The following ATP8B4 variants were observed in gnomAD, a reference collection of about 807,000 sequenced individuals.
ATP8B4 encodes the protein probable phospholipid-transporting ATPase IM.
A neutral mutation model predicts 145.6 loss-of-function variants in ATP8B4; 133 were observed. That is an observed-to-expected ratio of 0.91 (90% CI 0.79 to 1.05). The LOEUF (loss-of-function observed/expected upper bound fraction) is 1.05, where lower values mean the gene tolerates loss of function less well. ATP8B4 is among the 50% of genes least tolerant of loss of function. The pLI is 0.00. For synonymous variants in ATP8B4, 507 were observed against 492.9 expected (o/e 1.03, Z -0.38); for missense variants, 1,458 against 1,425.2 (o/e 1.02, Z -0.37).
At chr15:50,131,931 T>C (rs969043478) in intron 1 of ATP8B4, among the ~76,000 whole-genome samples, 9 of 151,904 alleles carry the variant, frequency 5.9e-5, no homozygotes, top group Non-Finnish European at 1.0e-4. Flanking sequence ...AATGTTTTGT[T>C]CTGGAAATTT....
In ATP8B4 at chr15:49,860,340, C is replaced by A; in HGVS notation, c.3433G>T (p.Gly1145Ter). 1 of 1,614,072 alleles carries A rather than the reference C, an allele frequency of 6.2e-7. No homozygotes were observed. The highest frequency in any genetic ancestry group is 8.5e-7 in the Non-Finnish European group (1 of 1,179,992). Reference sequence around the variant, plus strand: ...GGATTTTTAGCTCGCATATTTTTTCCAGATGTGATAAGCTCTCCATAGCCT... The same window carrying A: ...GGATTTTTAGCTCGCATATTTTTTCAAGATGTGATAAGCTCTCCATAGCCT... Reference protein sequence around the residue: ...QEGYGELITSGKNMRAKNPPP... With the variant: ...QEGYGELITS The change falls in exon 28 of 28, where the codon GGA becomes TGA. Residue 1145 changes from glycine to a stop codon, truncating the protein, a stop_gained. Coordinates refer to ENST00000284509, the MANE Select transcript of ATP8B4 (RefSeq NM_024837.4). LOFTEE classifies it high-confidence loss of function.
chr15:49,978,532 G>A (rs1368474024), intron 12 of ATP8B4, among the ~76,000 whole-genome samples: 1 of 152,058 alleles, frequency 6.6e-6, no homozygotes, highest in Non-Finnish European at 1.5e-5. Flanking sequence ...TTTTTGAAGA[G>A]AGATAAAAAG....
chr15:49,873,938 C>T, intron 25 of ATP8B4, among the ~76,000 whole-genome samples: 1 of 152,232 alleles, frequency 6.6e-6, no homozygotes, highest in East Asian at 1.9e-4. Context: ...AAACTGTCAA[C>T]ACAATCTGTA....
At chr15:50,085,693 C>T (rs899550776) in intron 2 of ATP8B4, among the ~76,000 whole-genome samples, 1 of 150,698 alleles carries the variant, frequency 6.6e-6, no homozygotes, top group Non-Finnish European at 1.5e-5. Context: ...ATTTAGTATT[C>T]AACAACTCCT....
At chr15:49,952,230 A>T (rs1239566334) in intron 14 of ATP8B4, among the ~76,000 whole-genome samples, 1 of 152,092 alleles carries the variant, frequency 6.6e-6, no homozygotes, top group African/African-American at 2.4e-5. Flanking sequence ...TTGAATTTTC[A>T]TGTTGGACTG....
rs773212330 is a variant in ATP8B4 at position 49,979,673 on chromosome 15, T to C, written c.978A>G (p.Thr326=). The C allele has an allele frequency of 1.2e-6, 2 of 1,605,392 alleles. No individual in the cohort carries two copies. Among genetic ancestry groups the C allele is most frequent in the South Asian group, 2.2e-5 (2 of 90,204 alleles). The part of the protein sequence containing the change: ...EKSSVFSGFL[T]FWSYIIILNT... ...TGAGAATAATAATATATGACCAGAA[T>C]GTTAAGAATCCGGAGAACACAGAGC... Residue 326 remains threonine (T), a synonymous_variant, in exon 12 of 28, where the codon ACA becomes ACG. Coordinates refer to ENST00000284509, the MANE Select transcript of ATP8B4 (RefSeq NM_024837.4).
At chr15:50,052,862 T>C (rs1329485067) in intron 3 of ATP8B4, among the ~76,000 whole-genome samples, 1 of 152,156 alleles carries the variant, frequency 6.6e-6, no homozygotes, top group Non-Finnish European at 1.5e-5. Flanking sequence ...CAAAAGAGTC[T>C]TTATTATAAA....
chr15:49,931,446 T>C lies in ATP8B4; in HGVS notation c.1454-139A>G, dbSNP rs367725542. ...ATCTTTCCTGTCCTCAGATCTTTTC[T>C]ACTCACCAACAGCTCAATCTGGTAT... is the stretch of plus-strand genomic sequence containing the variant. On this transcript the variant is annotated intron_variant, in intron 15 of 27. Transcript: ENST00000284509. The C allele has an allele frequency of 3.3e-5, 26 of 786,626 alleles. No individual in the cohort carries two copies. In the South Asian group the frequency reaches 4.2e-4, roughly 13 times the overall value. 48.7% of individuals were successfully genotyped at this position (786,626 alleles called of 1,614,324 possible).
At chr15:50,155,843 G>C (rs978256248) in intron 1 of ATP8B4, among the ~76,000 whole-genome samples, 3 of 151,672 alleles carry the variant, frequency 2.0e-5, no homozygotes, top group African/African-American at 7.3e-5. Context: ...GACAAAATGA[G>C]AGCTGTTCAC....
chr15:49,862,459 C>CTT (rs751951310), intron 26 of ATP8B4, 84 bp from the exon 27 acceptor site: 533 of 1,142,462 alleles, frequency 4.7e-4, no homozygotes, highest in Non-Finnish European at 5.2e-4. Context: ...CCTACAAGAT[C>CTT]TTTTTTTTTT....
intron 7 of ATP8B4, among the ~76,000 whole-genome samples, chr15:50,008,914 GA>G (rs1458526550): frequency 2.0e-5 from 3 of 152,102 alleles, no homozygotes; most frequent in African/African-American, 7.2e-5. Context: ...CATTGCCCCT[GA>G]AATATTCTAT....
rs1364014100 is a variant in ATP8B4 at position 50,170,499 on chromosome 15, C to CA, written c.-43+11761_-43+11762insT. Reference sequence around the variant, plus strand: ...GAGAGAATTCACCATTACCAAACCCCCCCCACCCTCCACAAGAACTGCTAA... The same window carrying CA: ...GAGAGAATTCACCATTACCAAACCCCACCCCACCCTCCACAAGAACTGCTAA... On this transcript the variant is annotated intron_variant, in intron 1 of 3. Coordinates refer to the ATP8B4 transcript ENST00000558829. Among the ~76,000 whole-genome samples the CA allele has an allele frequency of 5.5e-5, 8 of 145,972 alleles. No individual in the cohort carries two copies. In the Admixed American group the frequency reaches 5.6e-4, roughly 10 times the overall value.
At chr15:50,043,083 A>C (rs1156682237) in intron 5 of ATP8B4, among the ~76,000 whole-genome samples, 1 of 152,248 alleles carries the variant, frequency 6.6e-6, no homozygotes, top group Non-Finnish European at 1.5e-5. Context: ...AGATGGGTTA[A>C]AAATAGGCAA....
rs1308836214 is a variant in ATP8B4, at chr15:49,859,006, A to G, written c.*1188T>C. 6.6e-6 allele frequency: 1 copy of G among 152,242 alleles called. No homozygotes were observed. The highest frequency in any genetic ancestry group is 1.5e-5 in the Non-Finnish European group (1 of 68,034). The allele number at this position is 152,242 out of a possible 1,614,324, so 9.4% of individuals were successfully genotyped here. The stretch of plus-strand genomic sequence containing the variant: ...AACTGAGTCTCAGAGAAGGCACATT[A>G]TCGTCCAAGTTTATAGAGGTAAGAA... On this transcript the variant is annotated 3_prime_UTR_variant, in exon 28 of 28. Coordinates refer to ENST00000284509, the MANE Select transcript of ATP8B4 (RefSeq NM_024837.4).
intron 1 of ATP8B4, among the ~76,000 whole-genome samples, chr15:50,151,463 T>A (rs146603568): frequency 5.3e-5 from 8 of 152,356 alleles, no homozygotes; most frequent in African/African-American, 1.9e-4. Context: ...AGTCATTCTA[T>A]GCACACTGTC....
At chr15:49,930,802 T>C (rs537798802) in intron 16 of ATP8B4, among the ~76,000 whole-genome samples, 22 of 152,244 alleles carry the variant, frequency 1.4e-4, no homozygotes, top group African/African-American at 4.6e-4. Context: ...ATTAGGATTG[T>C]TGGGACAATT....
intron 3 of ATP8B4, among the ~76,000 whole-genome samples, chr15:50,057,658 G>A (rs559944931): frequency 6.6e-6 from 1 of 152,298 alleles, no homozygotes; most frequent in South Asian, 2.1e-4. Flanking sequence ...CAGAGATAGT[G>A]GCCAGGAAAG....
At chr15:50,164,792 A>G (rs752434049) in intron 1 of ATP8B4, among the ~76,000 whole-genome samples, 3 of 152,162 alleles carry the variant, frequency 2.0e-5, no homozygotes, top group Non-Finnish European at 4.4e-5. Flanking sequence ...GAGATGGGAG[A>G]TTCACCTCTG....
intron 11 of ATP8B4, 96 bp downstream of exon 11, chr15:49,981,110 A>C (rs1307176035): frequency 2.9e-6 from 3 of 1,051,244 alleles, no homozygotes; most frequent in Non-Finnish European, 4.2e-6. Flanking sequence ...CAAACTCCAC[A>C]AGGAGAATGT....
Sources: gnomAD v4.1 joint callset for allele counts (sites outside exome capture counted in the v4.1 genomes callset) on GRCh38, gnomAD v4.1.1 for gene constraint, MANE v1.5 for transcripts, NCBI Gene and HGNC (gene_info 2026-07-23, HGNC 2026-07-21) for gene names.